ZNF700: variants seen among roughly 807,000 people sequenced by gnomAD.
ZNF700 encodes the protein zinc finger protein 700.
Under a neutral mutation model 65.3 loss-of-function variants are expected in ZNF700, and 38 were observed. The observed-to-expected ratio is 0.58, with a 90% CI of 0.45 to 0.76. ZNF700 has a LOEUF of 0.76. ZNF700 is among the 30% of genes least tolerant of loss of function. The pLI is 0.00. For missense variants in ZNF700, 857 were observed against 888.4 expected, an observed-to-expected ratio of 0.96 and a Z score of 0.45; for synonymous variants, 285 against 290.4, an observed-to-expected ratio of 0.98 and a Z score of 0.19.
intron 1 of ZNF700, among the ~76,000 whole-genome samples, chr19:11,941,831 G>A (rs1248806004): frequency 6.6e-6 from 1 of 152,220 alleles, no homozygotes; most frequent in Non-Finnish European, 1.5e-5. Flanking sequence ...CGAGGGCTGT[G>A]AGGACTGCCA....
chr19:11,949,996 T>C lies in ZNF700; in HGVS notation c.1972T>C (p.Cys658Arg), dbSNP rs1330289796. 2 of 1,613,100 alleles carry C rather than the reference T, an allele frequency of 1.2e-6. No homozygotes were observed. The highest frequency in any genetic ancestry group is 1.7e-5 in the Admixed American group (1 of 59,932). ...ATGTAAGGAATGCGAAAAAGCATTC[T>C]GTAAATTCTCTTCTTTTCAAATACA... ...YECKECEKAF[C>R]KFSSFQIHER... Residue 658 changes from cysteine (C) to arginine (R), a missense_variant, in exon 4 of 4, where the codon TGT becomes CGT. Cys to Arg is a radical substitution (Grantham distance 180, BLOSUM62 -3). Around this residue, in one of 3 missense-constraint regions of ZNF700, gnomAD observed 251 missense variants for 250.3 expected, o/e 1.00. Coordinates refer to ENST00000254321, the MANE Select transcript of ZNF700 (RefSeq NM_144566.3).
Position 11,947,571 on chromosome 19 carries a change from T to C in ZNF700, c.248T>C (p.Phe83Ser), listed in dbSNP as rs1042479904. Residue 83 changes from phenylalanine (F) to serine (S), a missense_variant, in exon 3 of 4, where the codon TTC becomes TCC. Coordinates refer to ENST00000254321, the MANE Select transcript of ZNF700 (RefSeq NM_144566.3). ...EYEYQNPRRSFRSLIEEKVNE... is the reference protein window; with the variant it reads ...EYEYQNPRRSSRSLIEEKVNE... ...GAGTACCAAAACCCCAGAAGAAGCT[T>C]CAGGTAATTTGCATTTCCAAGAGAA... 1.2e-6 allele frequency: 2 copies of C among 1,613,352 alleles called. No homozygotes were observed. The highest frequency in any genetic ancestry group is 1.7e-4 in the Middle Eastern group (1 of 6,060).
intron 1 of ZNF700, among the ~76,000 whole-genome samples, chr19:11,927,860 G>C (rs1269783710): frequency 6.6e-6 from 1 of 152,186 alleles, no homozygotes; most frequent in African/African-American, 2.4e-5. Flanking sequence ...TTTCTTGTTA[G>C]TGTCAAGATG....
intron 1 of ZNF700, among the ~76,000 whole-genome samples, chr19:11,941,961 G>T (rs1427704442): frequency 9.5e-6 from 1 of 105,764 alleles, no homozygotes; most frequent in African/African-American, 3.8e-5. Context: ...GTTGTATAGT[G>T]GTTGAATCTG....
rs974218519 is a variant in ZNF700, at chr19:11,948,859, G to C, written c.835G>C (p.Glu279Gln). 6.2e-7 allele frequency: 1 copy of C among 1,605,730 alleles called. No individual in the cohort carries two copies. The highest frequency in any genetic ancestry group is 8.5e-7 in the Non-Finnish European group (1 of 1,178,270). ...ERTHTGEKPY[E>Q]CSKCDKAFHS... ...AACTCACACTGGGGAGAAGCCCTAT[G>C]AATGTAGCAAATGTGATAAAGCATT... Residue 279 changes from glutamate to glutamine, a missense_variant, in exon 4 of 4, where the codon GAA becomes CAA. Transcript: ENST00000254321.
chr19:11,939,911 C>T (rs908375414), intron 1 of ZNF700: 16 of 151,748 alleles, frequency 1.1e-4, no homozygotes, highest in African/African-American at 3.9e-4. Flanking sequence ...TGCAATTATC[C>T]TGAGGTTTCA....
At chr19:11,933,726 T>C (rs1198079558) in intron 1 of ZNF700, among the ~76,000 whole-genome samples, 1 of 147,822 alleles carries the variant, frequency 6.8e-6, no homozygotes, top group Non-Finnish European at 1.5e-5. Context: ...TTTATTTTTA[T>C]TTATTTATCT....
chr19:11,928,892 C>A (rs1035128619), intron 1 of ZNF700, among the ~76,000 whole-genome samples: 1 of 147,192 alleles, frequency 6.8e-6, no homozygotes, highest in Non-Finnish European at 1.5e-5. Flanking sequence ...CCAGCCTGGG[C>A]AACATATTGA....
intron 1 of ZNF700, among the ~76,000 whole-genome samples, chr19:11,931,399 C>T: frequency 6.8e-6 from 1 of 147,998 alleles, no homozygotes; most frequent in East Asian, 1.9e-4. Flanking sequence ...AAAGGATTTA[C>T]TCCTATGCTC....
At chr19:11,934,360 C>T (rs990811923) in intron 1 of ZNF700, among the ~76,000 whole-genome samples, 8 of 147,778 alleles carry the variant, frequency 5.4e-5, no homozygotes, top group Admixed American at 2.0e-4. Flanking sequence ...TTCAGACCTC[C>T]GCAGACTGTC....
In ZNF700 at chr19:11,948,843, T is replaced by G. The variant is rs2145302431; in HGVS notation, c.819T>G (p.Thr273=). 6.2e-7 allele frequency: 1 copy of G among 1,608,920 alleles called. No homozygotes were observed. The highest frequency in any genetic ancestry group is 8.5e-7 in the Non-Finnish European group (1 of 1,178,932). ...TTCAAATACATGAAAGAACTCACAC[T>G]GGGGAGAAGCCCTATGAATGTAGCA... The part of the protein sequence containing the change: ...ATLQIHERTH[T]GEKPYECSKC... Residue 273 remains threonine (T), a synonymous_variant, in exon 4 of 4, where the codon ACT becomes ACG. Coordinates refer to ENST00000254321, the MANE Select transcript of ZNF700 (RefSeq NM_144566.3).
In ZNF700 at chr19:11,933,292, A is replaced by T. The variant is rs574417266; in HGVS notation, c.63+8019A>T. ...GTTTTAAACCAAGGAAACCATATTGACTGTGTGTAGTGTATCCTATAATTG... is the reference window on the plus strand; with the variant it reads ...GTTTTAAACCAAGGAAACCATATTGTCTGTGTGTAGTGTATCCTATAATTG... On this transcript the variant is annotated intron_variant, in intron 1 of 3. Coordinates refer to ENST00000254321, the MANE Select transcript of ZNF700 (RefSeq NM_144566.3). Among the ~76,000 whole-genome samples the T allele has an allele frequency of 8.1e-5, 12 of 148,332 alleles. 1 individual carries two copies. The highest frequency in any genetic ancestry group is 3.2e-4 in the African/African-American group (12 of 38,070).
At position 11,950,110 on chromosome 19, in the gene ZNF700, A is replaced by G. The variant is rs768030957; in HGVS notation, c.2086A>G (p.Arg696Gly). The change falls in exon 4 of 4, where the codon AGA becomes GGA. Residue 696 changes from arginine (R) to glycine (G), a missense_variant. This residue lies in a region of ZNF700 where 251 missense variants were observed against 250.3 expected (regional missense o/e 1.00). Coordinates refer to ENST00000254321, the MANE Select transcript of ZNF700 (RefSeq NM_144566.3). ...TGCCAAGATTCTTCAAATACATGCA[A>G]GAACACACATTGGAGAGAAACACTA... ...TSAKILQIHARTHIGEKHYEC... is the reference protein window; with the variant it reads ...TSAKILQIHAGTHIGEKHYEC... 4.3e-6 allele frequency: 7 copies of G among 1,614,210 alleles called. No homozygotes were observed. In the South Asian group the frequency reaches 7.7e-5, roughly 18 times the overall value.
At chr19:11,935,483 C>G (rs907670893) in intron 1 of ZNF700, among the ~76,000 whole-genome samples, 1 of 152,024 alleles carries the variant, frequency 6.6e-6, no homozygotes. Context: ...CCACCCACCT[C>G]AGCCTCCCAA....
chr19:11,929,945 G>A (rs1972688974), intron 1 of ZNF700, among the ~76,000 whole-genome samples: 1 of 148,192 alleles, frequency 6.7e-6, no homozygotes, highest in Admixed American at 6.6e-5. Context: ...TGGAAACTTT[G>A]CAGGGTGATA....
intron 1 of ZNF700, among the ~76,000 whole-genome samples, chr19:11,936,603 G>A (rs1972800208): frequency 6.6e-6 from 1 of 152,040 alleles, no homozygotes; most frequent in Non-Finnish European, 1.5e-5. Context: ...TTGTTGGATG[G>A]GTAGATTGCA....
intron 1 of ZNF700, among the ~76,000 whole-genome samples, chr19:11,945,094 T>C (rs1026937469): frequency 6.6e-6 from 1 of 152,250 alleles, no homozygotes; most frequent in Non-Finnish European, 1.5e-5. Flanking sequence ...CTGCCTTTTT[T>C]TCTTTTTCTG....
At position 11,949,911 on chromosome 19, in the gene ZNF700, C is replaced by T. The variant is rs1157070435; in HGVS notation, c.1887C>T (p.Phe629=). The T allele has an allele frequency of 6.2e-7, 1 of 1,614,080 alleles. No individual in the cohort carries two copies. Among genetic ancestry groups the T allele is most frequent in the Admixed American group, 1.7e-5 (1 of 60,016 alleles). ...PYECKQCGKA[F]RSASNLQMHE... ...AGTGTAAGCAATGTGGGAAAGCCTTCAGATCTGCCTCAAACCTTCAGATGC... is the reference window on the plus strand; with the variant it reads ...AGTGTAAGCAATGTGGGAAAGCCTTTAGATCTGCCTCAAACCTTCAGATGC... Residue 629 remains phenylalanine (F), a synonymous_variant, in exon 4 of 4, where the codon TTC becomes TTT. Coordinates refer to ENST00000254321, the MANE Select transcript of ZNF700 (RefSeq NM_144566.3).
Position 11,949,780 on chromosome 19 carries a change from C to G in ZNF700, c.1756C>G (p.His586Asp). The G allele has an allele frequency of 6.2e-7, 1 of 1,613,356 alleles. No homozygotes were observed. The highest frequency in any genetic ancestry group is 1.1e-5 in the South Asian group (1 of 91,060). The change falls in exon 4 of 4, where the codon CAC becomes GAC. Residue 586 changes from histidine to aspartate, a missense_variant. Transcript: ENST00000254321. ...ACACCTTCGAATGCATGAAAGGACT[C>G]ACACTGGAGAGAAACCCTATGAGTG... ...ASHLRMHERTHTGEKPYECKQ... is the reference protein window; with the variant it reads ...ASHLRMHERTDTGEKPYECKQ...
Sources: allele counts gnomAD v4.1 joint callset (sites outside exome capture counted in the v4.1 genomes callset), GRCh38; gene constraint gnomAD v4.1.1; regional missense constraint gnomAD v4.1.1; transcripts MANE v1.5; gene names NCBI Gene and HGNC (gene_info 2026-07-23, HGNC 2026-07-21).